DOCK1: variants seen among roughly 807,000 people sequenced by gnomAD.
DOCK1 encodes the protein dedicator of cytokinesis 1, also known as dedicator of cytokinesis protein 1.
DOCK1 carries 138 observed loss-of-function variants against 262.7 expected under a neutral mutation model. The observed-to-expected ratio is 0.53, with a 90% CI of 0.46 to 0.61. The LOEUF (loss-of-function observed/expected upper bound fraction) is 0.61. DOCK1 is among the 20% of genes least tolerant of loss of function. DOCK1 has a pLI of 0.00. For synonymous variants in DOCK1, 866 were observed against 867.4 expected (o/e 1.00, Z 0.03); for missense variants, 1,908 against 2,370.7 (o/e 0.80, Z 4.05).
chr10:127,042,041 G>A (rs1300287214), intron 19 of DOCK1, among the ~76,000 whole-genome samples: 2 of 152,206 alleles, frequency 1.3e-5, no homozygotes, highest in African/African-American at 4.8e-5. Flanking sequence ...CTTCTTTGCA[G>A]TAGTATTTAT....
At chr10:127,080,067 C>G (rs1440274080) in intron 23 of DOCK1, among the ~76,000 whole-genome samples, 1 of 152,088 alleles carries the variant, frequency 6.6e-6, no homozygotes, top group Non-Finnish European at 1.5e-5. Flanking sequence ...GGCTGCCATT[C>G]ACCTCTTACA....
At chr10:127,091,888 A>G (rs1262695170) in intron 23 of DOCK1, among the ~76,000 whole-genome samples, 1 of 152,168 alleles carries the variant, frequency 6.6e-6, no homozygotes, top group Non-Finnish European at 1.5e-5. Flanking sequence ...TCATGCTTAC[A>G]GGGTACATCC....
At chr10:127,281,621 C>T (rs1004514685) in intron 29 of DOCK1, among the ~76,000 whole-genome samples, 1 of 152,188 alleles carries the variant, frequency 6.6e-6, no homozygotes, top group African/African-American at 2.4e-5. Flanking sequence ...CTCCTTGCCT[C>T]AGGACCCCAT....
At chr10:126,948,649 C>A (rs1445166683) in intron 1 of DOCK1, among the ~76,000 whole-genome samples, 1 of 151,910 alleles carries the variant, frequency 6.6e-6, no homozygotes, top group Non-Finnish European at 1.5e-5. Flanking sequence ...GTTGCAGGGT[C>A]AGGTATGCTG....
intron 29 of DOCK1, among the ~76,000 whole-genome samples, chr10:127,288,644 GA>G (rs1285315057): frequency 6.6e-6 from 1 of 151,648 alleles, no homozygotes; most frequent in African/African-American, 2.4e-5. Context: ...CTCTTACACT[GA>G]AAATTTGGGT....
At position 127,351,341 on chromosome 10, in the gene DOCK1, T is replaced by G. The variant is rs1333770645; in HGVS notation, c.3225-3328T>G. On this transcript the variant is annotated intron_variant, in intron 31 of 51. Coordinates refer to ENST00000623213, the MANE Select transcript of DOCK1 (RefSeq NM_001290223.2). ...GGAGTCGGGCATGTGTGTTCCCCAC[T>G]GTGAATCTCAGCTCTTATTGAGAAA... Among the ~76,000 whole-genome samples, 3 of 152,146 alleles carry G rather than the reference T, an allele frequency of 2.0e-5. No homozygotes were observed. The East Asian group carries it at 5.8e-4, about 29-fold the overall frequency.
intron 10 of DOCK1, 89 bp from the exon 11 acceptor site, chr10:127,008,643 A>G: frequency 1.8e-6 from 2 of 1,123,540 alleles, no homozygotes; most frequent in Admixed American, 2.1e-5. Context: ...GTTGTTTGCC[A>G]GAAGATATTC....
intron 40 of DOCK1, among the ~76,000 whole-genome samples, chr10:127,407,509 G>A (rs1026109202): frequency 1.1e-4 from 16 of 152,178 alleles, no homozygotes; most frequent in African/African-American, 3.1e-4. Context: ...GACTACAAAC[G>A]TTCTGACCAC....
At chr10:127,161,890 T>C (rs1176673902) in intron 27 of DOCK1, among the ~76,000 whole-genome samples, 1 of 152,202 alleles carries the variant, frequency 6.6e-6, no homozygotes, top group East Asian at 1.9e-4. Context: ...TGTCTTTGTC[T>C]CAGATCTATG....
chr10:127,092,736 G>A (rs2047614260), intron 23 of DOCK1, among the ~76,000 whole-genome samples: 1 of 152,174 alleles, frequency 6.6e-6, no homozygotes, highest in Non-Finnish European at 1.5e-5. Flanking sequence ...GCCTGCCTCA[G>A]TCTCCCAAGG....
rs960461380 is a variant in DOCK1 at position 127,080,652 on chromosome 10, A to G, written c.2445+18876A>G. ...AACAGGCTCTAGGAGGAGGAAGGAA[A>G]CCTTGCCTGGGTACTTAAAATTATC... On this transcript the variant is annotated intron_variant, in intron 23 of 51. Transcript: ENST00000623213. Among the ~76,000 whole-genome samples the G allele has an allele frequency of 1.6e-4, 24 of 151,984 alleles. 1 individual carries two copies. The highest frequency in any genetic ancestry group is 1.4e-3 in the Admixed American group (22 of 15,264).
chr10:127,036,008 A>AAATAAATAAATAAAT (rs1324819316), intron 18 of DOCK1, among the ~76,000 whole-genome samples: 3 of 122,592 alleles, frequency 2.4e-5, no homozygotes, highest in Non-Finnish European at 5.4e-5. Context: ...TCTCAAAAAT[A>AAATAAATAAATAAAT]AATAAATAAA....
chr10:127,125,673 A>G (rs1336540095), intron 26 of DOCK1, 72 bp downstream of exon 26: 2 of 1,552,204 alleles, frequency 1.3e-6, no homozygotes, highest in Non-Finnish European at 1.7e-6. Context: ...GTACAACTTT[A>G]TTCAGTTAAA....
At chr10:126,942,584 A>G (rs1473913407) in intron 1 of DOCK1, among the ~76,000 whole-genome samples, 2 of 152,128 alleles carry the variant, frequency 1.3e-5, no homozygotes, top group Non-Finnish European at 2.9e-5. Flanking sequence ...AGTTTCCTTA[A>G]TGGAACGAGC....
chr10:126,929,269 C>A (rs1251414403), intron 1 of DOCK1, among the ~76,000 whole-genome samples: 4 of 152,136 alleles, frequency 2.6e-5, no homozygotes, highest in Admixed American at 2.0e-4. Context: ...TTTACCTCAC[C>A]CTCTATGCTT....
intron 24 of DOCK1, among the ~76,000 whole-genome samples, chr10:127,108,238 A>C (rs1266572447): frequency 1.3e-5 from 2 of 152,256 alleles, no homozygotes; most frequent in Non-Finnish European, 2.9e-5. Context: ...ACTACCCAAA[A>C]GAATCAGAAA....
intron 29 of DOCK1, among the ~76,000 whole-genome samples, chr10:127,302,392 G>T (rs1378155512): frequency 6.6e-6 from 1 of 152,142 alleles, no homozygotes; most frequent in Non-Finnish European, 1.5e-5. Context: ...CACTCCTGGG[G>T]CCAGGAGCTG....
chr10:127,186,735 C>T (rs1192429100), intron 27 of DOCK1, among the ~76,000 whole-genome samples: 1 of 152,018 alleles, frequency 6.6e-6, no homozygotes, highest in East Asian at 1.9e-4. Flanking sequence ...TTAGGAATCT[C>T]ATGCCACACT....
At chr10:127,330,978 G>A (rs1046170948) in intron 29 of DOCK1, among the ~76,000 whole-genome samples, 1 of 152,148 alleles carries the variant, frequency 6.6e-6, no homozygotes, top group Non-Finnish European at 1.5e-5. Context: ...TCCTTCGACT[G>A]GCCAGAGCCA....
Sources: gnomAD v4.1 joint callset for allele counts (sites outside exome capture counted in the v4.1 genomes callset) on GRCh38, gnomAD v4.1.1 for gene constraint, MANE v1.5 for transcripts, NCBI Gene and HGNC (gene_info 2026-07-23, HGNC 2026-07-21) for gene names.